CASP6: variants seen among roughly 807,000 people sequenced by gnomAD.
The protein encoded by CASP6 is caspase 6.
In CASP6, 20 loss-of-function variants were observed where a neutral mutation model predicts 31.8. The observed-to-expected ratio is 0.63, with a 90% confidence interval of 0.44 to 0.91. CASP6 has a LOEUF of 0.91. Ranked by LOEUF, CASP6 falls within the 40% of genes least tolerant of loss-of-function variation. The pLI is 0.00. For missense variants in CASP6, 328 were observed against 361.1 expected, an observed-to-expected ratio of 0.91 and a Z score of 0.74; for synonymous variants, 130 against 127.8, an observed-to-expected ratio of 1.02 and a Z score of -0.12.
At chr4:109,703,245 G>C (rs979720399) in intron 1 of CASP6, 111 bp downstream of exon 1, 11 of 1,272,224 alleles carry the variant, frequency 8.6e-6, no homozygotes, top group Non-Finnish European at 1.2e-5. Context: ...AAAGCCGAAG[G>C]AACCCGCGGC....
At chr4:109,696,304 A>G (rs1730236860) in intron 4 of CASP6, 106 bp downstream of exon 4, 14 of 774,580 alleles carry the variant, frequency 1.8e-5, no homozygotes, top group Admixed American at 5.4e-5. Flanking sequence ...CTAAATTAAT[A>G]CTTTTTTTGT....
At chr4:109,706,771 G>A (rs982271486), upstream of CASP6, among the ~76,000 whole-genome samples, 2 of 152,128 alleles carry the variant, frequency 1.3e-5, no homozygotes, top group Non-Finnish European at 1.5e-5. Flanking sequence ...AGCCGGGCAC[G>A]GTGGCAGGCA....
downstream of CASP6, chr4:109,684,630 T>G (rs1211158711): frequency 2.0e-6 from 3 of 1,498,694 alleles, no homozygotes; most frequent in South Asian, 3.4e-5. Context: ...TTTGCATACT[T>G]TATAGTCACT....
chr4:109,703,611 G>C, upstream of CASP6: 2 of 593,726 alleles, frequency 3.4e-6, no homozygotes, highest in Admixed American at 3.2e-5. Context: ...AGCCCGCGGG[G>C]ACCAAGAGCG....
At chr4:109,695,090 C>T (rs947812815) in intron 4 of CASP6, among the ~76,000 whole-genome samples, 7 of 152,258 alleles carry the variant, frequency 4.6e-5, no homozygotes, top group African/African-American at 1.4e-4. Context: ...CTCAGCCTCC[C>T]AAAGTGCTGG....
chr4:109,703,641 G>C (rs193061231), upstream of CASP6: 1 of 562,758 alleles, frequency 1.8e-6, no homozygotes, highest in African/African-American at 2.0e-5. Flanking sequence ...GGAGAGGTAC[G>C]CGGTCTTCGC....
downstream of CASP6, chr4:109,684,837 T>A (rs942641287): frequency 2.0e-6 from 1 of 504,900 alleles, no homozygotes; most frequent in African/African-American, 1.9e-5. Flanking sequence ...ATATAACTTC[T>A]TTGGAGAAGT....
chr4:109,708,341 G>C (rs6812043), upstream of CASP6, among the ~76,000 whole-genome samples: 83,093 of 152,056 alleles, frequency 0.55, 22,775 homozygotes, highest in South Asian at 0.61. Flanking sequence ...AAGTGACTGT[G>C]AAGGACTCAG....
chr4:109,702,518 TGTTA>T (rs1409974836), intron 1 of CASP6, among the ~76,000 whole-genome samples: 2 of 151,782 alleles, frequency 1.3e-5, no homozygotes, highest in African/African-American at 2.4e-5. Context: ...GGTTTCACCG[TGTTA>T]GTTAGGCTGG....
At chr4:109,671,159 G>A in the CASP6 span, among the ~76,000 whole-genome samples, 1 of 152,200 alleles carries the variant, frequency 6.6e-6, no homozygotes, top group Non-Finnish European at 1.5e-5. Context: ...TGTTAGGATG[G>A]ACTGACAACT....
chr4:109,693,608 C>A (rs1730142803), intron 5 of CASP6, among the ~76,000 whole-genome samples: 1 of 151,166 alleles, frequency 6.6e-6, no homozygotes, highest in Non-Finnish European at 1.5e-5. Flanking sequence ...AATAATTGAA[C>A]CTGGGGGCGG....
At chr4:109,698,378 T>G (rs2301717) in intron 1 of CASP6, 36 bp from the exon 2 acceptor site, 1,007,768 of 1,585,986 alleles carry the variant, frequency 0.64, 323,135 homozygotes, top group African/African-American at 0.85. Flanking sequence ...AATTATTTTT[T>G]ACTTATGGCA....
At chr4:109,696,226 T>C (rs1369653168) in intron 4 of CASP6, among the ~76,000 whole-genome samples, 184 bp downstream of exon 4, 1 of 152,182 alleles carries the variant, frequency 6.6e-6, no homozygotes, top group African/African-American at 2.4e-5. Context: ...GGCATAATTA[T>C]TTGCAAGGGT....
At chr4:109,698,780 T>C (rs748242874) in intron 1 of CASP6, among the ~76,000 whole-genome samples, 2 of 152,202 alleles carry the variant, frequency 1.3e-5, no homozygotes, top group Non-Finnish European at 2.9e-5. Context: ...GGTGTAAGCC[T>C]GGAAGAGGTA....
chr4:109,696,915 A>G (rs1273123087), intron 3 of CASP6, among the ~76,000 whole-genome samples: 1 of 151,220 alleles, frequency 6.6e-6, no homozygotes, highest in Non-Finnish European at 1.5e-5. Context: ...CCTCCCGAGT[A>G]GCTGGGACTA....
the CASP6 span, among the ~76,000 whole-genome samples, chr4:109,680,279 C>G: frequency 1.3e-5 from 2 of 152,232 alleles, no homozygotes; most frequent in African/African-American, 2.4e-5. Flanking sequence ...TGGATAGGTA[C>G]CAGTTAACAA....
At chr4:109,682,274 A>G in the CASP6 span, among the ~76,000 whole-genome samples, 7 of 150,710 alleles carry the variant, frequency 4.6e-5, no homozygotes, top group East Asian at 3.9e-4. Context: ...CTTATGCTCA[A>G]TTGCCTTCAG....
downstream of CASP6, chr4:109,685,295 C>A: frequency 6.3e-7 from 1 of 1,582,454 alleles, no homozygotes; most frequent in Non-Finnish European, 8.7e-7. Flanking sequence ...TTCTTCAGTT[C>A]TTCCACAAGA....
the CASP6 span, among the ~76,000 whole-genome samples, chr4:109,665,449 A>G: frequency 2.6e-5 from 4 of 152,184 alleles, no homozygotes; most frequent in African/African-American, 4.8e-5. Context: ...GAACCTGTCT[A>G]TGACATTAAG....
Sources: gnomAD v4.1 joint callset for allele counts (sites outside exome capture counted in the v4.1 genomes callset) on GRCh38, gnomAD v4.1.1 for gene constraint, MANE v1.5 for transcripts, NCBI Gene and HGNC (gene_info 2026-07-23, HGNC 2026-07-21) for gene names.